The following FUBP3 variants were observed in gnomAD, a reference collection of about 807,000 sequenced individuals.
The protein encoded by FUBP3 is far upstream element binding protein 3.
A neutral mutation model predicts 85.6 loss-of-function variants in FUBP3; 28 were observed. The ratio of observed to expected loss-of-function variants is 0.33; its 90% CI spans 0.24 to 0.45. The LOEUF (loss-of-function observed/expected upper bound fraction) is 0.45. Ranked by LOEUF, FUBP3 falls within the 20% of genes least tolerant of loss-of-function variation. The probability of loss-of-function intolerance (pLI) is 1.00; values close to 1 mark genes in which losing one functional copy is unlikely to be tolerated. For synonymous variants in FUBP3, 271 were observed against 271.4 expected (o/e 1.00, Z 0.01); for missense variants, 583 against 755.1 (o/e 0.77, Z 2.67).
intron 16 of FUBP3, among the ~76,000 whole-genome samples, chr9:130,633,735 C>T (rs1228428343): frequency 1.3e-5 from 2 of 152,228 alleles, no homozygotes; most frequent in Non-Finnish European, 1.5e-5. Flanking sequence ...GTCCCTCTTT[C>T]GCCCTGCCCC....
intron 2 of FUBP3, among the ~76,000 whole-genome samples, chr9:130,599,355 GTATA>G (rs530800830): frequency 3.1e-3 from 260 of 82,854 alleles, no homozygotes; most frequent in African/African-American, 0.015. Flanking sequence ...ATATATATAA[GTATA>G]TGTGTGTGTG....
Position 130,634,696 on chromosome 9 carries a change from C to T in FUBP3, c.1540C>T (p.Pro514Ser), listed in dbSNP as rs1257296146. ...SQQSQPQSSQPNYSKAWEDYY... is the reference protein window; with the variant it reads ...SQQSQPQSSQSNYSKAWEDYY... ...GCAGAGCCAGCCGCAGAGCAGCCAG[C>T]CCAACTACAGCAAGGCCTGGGAAGA... is the stretch of plus-strand genomic sequence containing the variant. Residue 514 changes from proline to serine, a missense_variant, in exon 17 of 19, where the codon CCC becomes TCC. Around this residue, in one of 3 missense-constraint regions of FUBP3, gnomAD observed 404 missense variants for 516.8 expected, o/e 0.78. Transcript: ENST00000319725. The T allele has an allele frequency of 6.2e-7, 1 of 1,613,932 alleles. No individual in the cohort carries two copies. The highest frequency in any genetic ancestry group is 2.2e-5 in the East Asian group (1 of 44,868).
rs555688988 is a variant in FUBP3, at chr9:130,610,671, C to A, written c.224+684C>A. 3.2e-4 allele frequency among the ~76,000 whole-genome samples: 49 copies of A among 152,342 alleles called. No individual in the cohort carries two copies. The South Asian group carries it at 9.3e-3, about 29-fold the overall frequency. On this transcript the variant is annotated intron_variant, in intron 3 of 18. Transcript: ENST00000319725. ...TATACAAGAAACTGCCACAGTTTCTCTTCTGGAAGGATGAATTTTGTGCTA... is the reference window on the plus strand; with the variant it reads ...TATACAAGAAACTGCCACAGTTTCTATTCTGGAAGGATGAATTTTGTGCTA...
At chr9:130,634,179 C>A (rs753786906) in intron 16 of FUBP3, among the ~76,000 whole-genome samples, 44 of 152,230 alleles carry the variant, frequency 2.9e-4, no homozygotes, top group South Asian at 2.1e-4. Flanking sequence ...ACATGCACCC[C>A]CTTTCCCTCT....
At chr9:130,588,726 A>G (rs1281473898) in intron 1 of FUBP3, among the ~76,000 whole-genome samples, 1 of 152,224 alleles carries the variant, frequency 6.6e-6, no homozygotes. Flanking sequence ...CTTAGTAGGC[A>G]GTATGTTTGA....
chr9:130,619,146 T>G (rs1396869260), intron 8 of FUBP3, among the ~76,000 whole-genome samples: 1 of 152,194 alleles, frequency 6.6e-6, no homozygotes, highest in African/African-American at 2.4e-5. Context: ...CTGCCCTCCC[T>G]CAGAGGCCTT....
chr9:130,634,509 G>A, intron 16 of FUBP3, 158 bp from the exon 17 acceptor site: 1 of 610,218 alleles, frequency 1.6e-6, no homozygotes, highest in South Asian at 2.0e-5. Flanking sequence ...CCTTCCCCCA[G>A]CCCTGCCAGC....
At chr9:130,620,291 C>T in intron 8 of FUBP3, 63 bp from the exon 9 acceptor site, 1 of 944,038 alleles carries the variant, frequency 1.1e-6, no homozygotes, top group South Asian at 1.6e-5. Context: ...TGAAATTTCA[C>T]CTGGTGATGT....
At position 130,635,728 on chromosome 9, in the gene FUBP3, G is replaced by A. The variant is rs868337640; in HGVS notation, c.1583-271G>A. On this transcript the variant is annotated intron_variant, in intron 17 of 18. Transcript: ENST00000319725. This position sits in a 1 kb window ranked among gnomAD's most constrained non-coding sequence, Gnocchi z 4.3. ...TCACAGGGCCCTGGGAGCTGAAGGG[G>A]CAGGCAGGGAGATGCAGAGAATGCG... 1 of 386,882 alleles carries A rather than the reference G, an allele frequency of 2.6e-6. No homozygotes were observed. Among genetic ancestry groups the A allele is most frequent in the South Asian group, 5.7e-5 (1 of 17,686 alleles). 24.0% of individuals were successfully genotyped at this position (386,882 alleles called of 1,614,324 possible).
At chr9:130,602,007 G>A (rs1395832326) in intron 2 of FUBP3, among the ~76,000 whole-genome samples, 2 of 151,810 alleles carry the variant, frequency 1.3e-5, no homozygotes, top group Non-Finnish European at 2.9e-5. Flanking sequence ...TCACCATGTT[G>A]GCCAGGCTGG....
At chr9:130,586,510 T>G (rs1215927597) in intron 1 of FUBP3, among the ~76,000 whole-genome samples, 1 of 152,046 alleles carries the variant, frequency 6.6e-6, no homozygotes, top group Non-Finnish European at 1.5e-5. Context: ...CAAGCAATCC[T>G]CCTTCCTCAG....
chr9:130,584,187 T>C (rs1363024315), intron 1 of FUBP3, among the ~76,000 whole-genome samples: 2 of 152,236 alleles, frequency 1.3e-5, no homozygotes, highest in East Asian at 3.8e-4. Context: ...ACTATGGGCC[T>C]GCAGGCATGC....
intron 10 of FUBP3, among the ~76,000 whole-genome samples, chr9:130,623,365 A>G (rs932094439): frequency 6.6e-6 from 1 of 152,150 alleles, no homozygotes; most frequent in African/African-American, 2.4e-5. Flanking sequence ...TAGTTCTTTA[A>G]TGATACATTT....
At chr9:130,588,382 T>C (rs1830441869) in intron 1 of FUBP3, among the ~76,000 whole-genome samples, 1 of 152,198 alleles carries the variant, frequency 6.6e-6, no homozygotes, top group Non-Finnish European at 1.5e-5. Flanking sequence ...GGGTAGTGAC[T>C]GAAGGGGGCA....
chr9:130,607,523 T>G (rs1831521579), intron 2 of FUBP3, among the ~76,000 whole-genome samples: 1 of 152,112 alleles, frequency 6.6e-6, no homozygotes, highest in South Asian at 2.1e-4. Flanking sequence ...GCATTTTTCC[T>G]TTTTTACAGG....
intron 1 of FUBP3, among the ~76,000 whole-genome samples, chr9:130,585,002 A>G (rs1172946849): frequency 6.6e-6 from 1 of 152,146 alleles, no homozygotes; most frequent in East Asian, 1.9e-4. Flanking sequence ...TCCACTTAAA[A>G]TACAAAAATG....
intron 14 of FUBP3, 46 bp from the exon 15 acceptor site, chr9:130,631,896 T>C: frequency 7.2e-7 from 1 of 1,391,704 alleles, no homozygotes; most frequent in Non-Finnish European, 1.0e-6. Context: ...GGACGAGCCC[T>C]CTGTTGTGAG....
chr9:130,590,225 A>T (rs1040198966), intron 1 of FUBP3, among the ~76,000 whole-genome samples: 1 of 151,934 alleles, frequency 6.6e-6, no homozygotes. Context: ...CACCTTGTGC[A>T]TTTTTCTTGG....
intron 2 of FUBP3, among the ~76,000 whole-genome samples, chr9:130,597,313 TA>T (rs1179348442): frequency 6.6e-6 from 1 of 152,192 alleles, no homozygotes; most frequent in Admixed American, 6.5e-5. Flanking sequence ...GACTGAACTT[TA>T]ACCTCGTAAA....
Sources: allele counts gnomAD v4.1 joint callset (sites outside exome capture counted in the v4.1 genomes callset), GRCh38; gene constraint gnomAD v4.1.1; regional missense constraint gnomAD v4.1.1; non-coding constraint Gnocchi (gnomAD v3.1); transcripts MANE v1.5; gene names NCBI Gene and HGNC (gene_info 2026-07-23, HGNC 2026-07-21).